The following UBE2H variants were observed in gnomAD, a reference collection of about 807,000 sequenced individuals.
UBE2H encodes ubiquitin conjugating enzyme E2 H.
In UBE2H, 3 loss-of-function variants were observed where a neutral mutation model predicts 29.0. That is an observed-to-expected ratio of 0.10 (90% CI 0.05 to 0.27). UBE2H has a LOEUF of 0.27. Among genes scored for constraint, UBE2H ranks in the 10% least tolerant of loss-of-function variants. The pLI is 1.00. For missense variants in UBE2H, 68 were observed against 228.2 expected (o/e 0.30, Z 4.52); for synonymous variants, 69 against 82.9 (o/e 0.83, Z 0.91).
rs952957655 is a variant in UBE2H at position 129,850,792 on chromosome 7, G to A, written c.298+6719C>T. ...ATTGCGCCACTGCACTCCAGCCTGG[G>A]CGACAGAGTAAGACTCTGTCTCAAA... On this transcript the variant is annotated intron_variant, in intron 5 of 6. Transcript: ENST00000355621. Among the ~76,000 whole-genome samples the A allele has an allele frequency of 3.0e-4, 45 of 150,786 alleles. 1 individual carries two copies. The highest frequency in any genetic ancestry group is 3.4e-3 in the Middle Eastern group (1 of 292).
chr7:129,891,692 C>T (rs924510873), intron 1 of UBE2H, among the ~76,000 whole-genome samples: 19 of 151,794 alleles, frequency 1.3e-4, no homozygotes, highest in Non-Finnish European at 2.2e-4. Context: ...ATCCCAGCTA[C>T]TTGGGAGGCT....
chr7:129,935,019 G>GTGTGTGTGTGTA (rs1554441058), intron 1 of UBE2H, among the ~76,000 whole-genome samples: 1 of 149,256 alleles, frequency 6.7e-6, no homozygotes, highest in Non-Finnish European at 1.5e-5. Flanking sequence ...GTGTGTGTGT[G>GTGTGTGTGTGTA]TATATATATA....
Position 129,835,938 on chromosome 7 carries a change from T to C in UBE2H, c.428-877A>G, listed in dbSNP as rs186548507. Among the ~76,000 whole-genome samples the C allele has an allele frequency of 1.6e-3, 242 of 152,318 alleles. 1 individual carries two copies. The highest frequency in any genetic ancestry group is 5.4e-3 in the African/African-American group (226 of 41,572). On this transcript the variant is annotated intron_variant, in intron 6 of 6. Coordinates refer to ENST00000355621, the MANE Select transcript of UBE2H (RefSeq NM_003344.4). ...GAATGGCCAAATGGGCCTACCAGAT[T>C]TGAATAACTAGCACAGGGCCTAGCT...
At position 129,952,054 on chromosome 7, in the gene UBE2H, G is replaced by A. The variant is rs556944427; in HGVS notation, c.53+449C>T. ...GAGTGACCCCAGTTCAAGCAGCATT[G>A]TGGTTGGAGGAAATGGGGGCATCTC... On this transcript the variant is annotated intron_variant, in intron 1 of 6. Coordinates refer to ENST00000355621, the MANE Select transcript of UBE2H (RefSeq NM_003344.4). 5.3e-5 allele frequency among the ~76,000 whole-genome samples: 8 copies of A among 152,286 alleles called. No individual in the cohort carries two copies. The South Asian group carries it at 6.2e-4, about 12-fold the overall frequency.
chr7:129,892,505 G>A (rs1402816076), intron 1 of UBE2H, among the ~76,000 whole-genome samples: 1 of 152,068 alleles, frequency 6.6e-6, no homozygotes, highest in Non-Finnish European at 1.5e-5. Context: ...ACCCACCTCG[G>A]CCTCCCAAAG....
intron 1 of UBE2H, among the ~76,000 whole-genome samples, chr7:129,914,541 A>C (rs759760364): frequency 5.3e-5 from 8 of 152,182 alleles, no homozygotes; most frequent in Admixed American, 2.0e-4. Flanking sequence ...GACCTTTGTA[A>C]ATCAGATATT....
At chr7:129,907,356 G>C (rs536799454) in intron 1 of UBE2H, among the ~76,000 whole-genome samples, 1 of 152,166 alleles carries the variant, frequency 6.6e-6, no homozygotes, top group Admixed American at 6.6e-5. Flanking sequence ...GCTTGAGCCA[G>C]ACTTTAAGGA....
chr7:129,918,919 C>CA (rs1352215186), intron 1 of UBE2H, among the ~76,000 whole-genome samples: 1 of 151,492 alleles, frequency 6.6e-6, no homozygotes, highest in African/African-American at 2.4e-5. Context: ...CCCATCTCTA[C>CA]AAAAAAATAC....
At chr7:129,874,212 G>T (rs982676410) in intron 3 of UBE2H, among the ~76,000 whole-genome samples, 5 of 151,834 alleles carry the variant, frequency 3.3e-5, no homozygotes, top group African/African-American at 9.7e-5. Flanking sequence ...AAGTAGATAT[G>T]ATATGAAGGA....
chr7:129,907,343 G>A (rs1806839654), intron 1 of UBE2H, among the ~76,000 whole-genome samples: 1 of 152,112 alleles, frequency 6.6e-6, no homozygotes, highest in African/African-American at 2.4e-5. Context: ...GTAAGAAAAT[G>A]GGGCTTGAGC....
At position 129,867,702 on chromosome 7, in the gene UBE2H, AAAAAAAAAAAAAAAAGAAAACC is replaced by A. The variant is rs1487549125; in HGVS notation, c.206-8783_206-8762del. ...TACCCTAAAACTTAGAGTATAATAA[AAAAAAAAAAAAAAAAGAAAACC>A]AAAAAAAAAAAAAAAAAAGAAGACC... On this transcript the variant is annotated intron_variant, in intron 3 of 6. Transcript: ENST00000355621. Among the ~76,000 whole-genome samples the A allele has an allele frequency of 3.7e-4, 32 of 85,448 alleles. 1 individual carries two copies. The East Asian group carries it at 4.4e-3, about 12-fold the overall frequency. 56.1% of individuals were successfully genotyped at this position (85,448 alleles called of 152,430 possible). A position where few individuals can be genotyped will look rare whatever the true frequency, so the allele number is the denominator to read the frequency against.
chr7:129,907,184 C>A (rs2116437540), intron 1 of UBE2H, among the ~76,000 whole-genome samples: 1 of 151,922 alleles, frequency 6.6e-6, no homozygotes, highest in South Asian at 2.1e-4. Context: ...CGTTTCCTAC[C>A]CCATCATAGT....
In UBE2H at chr7:129,952,712, G is replaced by C. The variant is rs1051409879; in HGVS notation, c.-157C>G. The C allele has an allele frequency of 1.3e-6, 1 of 793,332 alleles. No homozygotes were observed. The highest frequency in any genetic ancestry group is 1.8e-5 in the African/African-American group (1 of 54,062). 49.1% of individuals were successfully genotyped at this position (793,332 alleles called of 1,614,324 possible). A position where few individuals can be genotyped will look rare whatever the true frequency, so the allele number is the denominator to read the frequency against. On this transcript the variant is annotated 5_prime_UTR_variant, in exon 1 of 7. Transcript: ENST00000355621. ...CAGCCGCCGCCGCCGCCCCCCGCAC[G>C]GGGGAACACCGGGCACTGTCCGGCC... is the stretch of plus-strand genomic sequence containing the variant.
At chr7:129,883,928 A>C (rs973623589) in intron 1 of UBE2H, among the ~76,000 whole-genome samples, 1 of 151,974 alleles carries the variant, frequency 6.6e-6, no homozygotes, top group African/African-American at 2.4e-5. Context: ...GAACTACAAA[A>C]ATAATTTCTC....
At chr7:129,851,073 A>G (rs771915132) in intron 5 of UBE2H, among the ~76,000 whole-genome samples, 2 of 152,170 alleles carry the variant, frequency 1.3e-5, no homozygotes, top group Non-Finnish European at 2.9e-5. Flanking sequence ...AACCCGCTTA[A>G]AAGGTAATTT....
chr7:129,932,374 C>A (rs1198010713), intron 1 of UBE2H, among the ~76,000 whole-genome samples: 7 of 151,558 alleles, frequency 4.6e-5, no homozygotes, highest in African/African-American at 1.7e-4. Flanking sequence ...CCACCCACCT[C>A]GGCCTCCCAA....
At chr7:129,923,103 T>C (rs1378604825) in intron 1 of UBE2H, among the ~76,000 whole-genome samples, 1 of 151,990 alleles carries the variant, frequency 6.6e-6, no homozygotes, top group Non-Finnish European at 1.5e-5. Flanking sequence ...GGTTCCACCG[T>C]GTTAGCCAGG....
intron 3 of UBE2H, among the ~76,000 whole-genome samples, chr7:129,868,204 T>C (rs1805952330): frequency 6.6e-6 from 1 of 152,196 alleles, no homozygotes; most frequent in African/African-American, 2.4e-5. Flanking sequence ...GAGTAGGAAC[T>C]AACCTAGGCA....
In UBE2H at chr7:129,859,020, G is replaced by A. The variant is rs932903881; in HGVS notation, c.206-79C>T. The A allele has an allele frequency of 1.2e-5, 14 of 1,198,378 alleles. No individual in the cohort carries two copies. The African/African-American group carries it at 1.7e-4, about 14-fold the overall frequency. The allele number at this position is 1,198,378 out of a possible 1,614,324, so 74.2% of individuals were successfully genotyped here. A position where few individuals can be genotyped will look rare whatever the true frequency, so the allele number is the denominator to read the frequency against. On this transcript the variant is annotated intron_variant, in intron 3 of 6. Coordinates refer to ENST00000355621, the MANE Select transcript of UBE2H (RefSeq NM_003344.4). ...TATTTCAGTACTGGAAACAATTTCA[G>A]TATTGGGAAAAGGTGATAATACTTA...
Sources: gnomAD v4.1 joint callset for allele counts (sites outside exome capture counted in the v4.1 genomes callset) on GRCh38, gnomAD v4.1.1 for gene constraint, MANE v1.5 for transcripts, NCBI Gene and HGNC (gene_info 2026-07-23, HGNC 2026-07-21) for gene names.